The following AOAH variants were observed in gnomAD, a reference collection of about 807,000 sequenced individuals.
The protein encoded by AOAH is acyloxyacyl hydrolase, also known as acyloxyacyl hydrolase (neutrophil).
A neutral mutation model predicts 92.2 loss-of-function variants in AOAH; 64 were observed. That is an observed-to-expected ratio of 0.69 (90% CI 0.57 to 0.86). The LOEUF is 0.86. Ranked by LOEUF, AOAH falls within the 40% of genes least tolerant of loss-of-function variation. The pLI, the probability that AOAH is intolerant of heterozygous loss-of-function variation, is 0.00. For synonymous variants in AOAH, 263 were observed against 254.5 expected, an observed-to-expected ratio of 1.03 and a Z score of -0.32; for missense variants, 656 against 694.6, an observed-to-expected ratio of 0.94 and a Z score of 0.62.
At chr7:36,670,987 A>G (rs965798542) in intron 3 of AOAH, among the ~76,000 whole-genome samples, 1 of 152,060 alleles carries the variant, frequency 6.6e-6, no homozygotes, top group Non-Finnish European at 1.5e-5. Flanking sequence ...CTCCCAGCAC[A>G]CTGCTGTTGG....
intron 11 of AOAH, among the ~76,000 whole-genome samples, chr7:36,609,150 G>A (rs1791232515): frequency 6.6e-6 from 1 of 152,162 alleles, no homozygotes; most frequent in Non-Finnish European, 1.5e-5. Context: ...AAGTATACGG[G>A]ATGGGAAGGG....
chr7:36,569,633 G>T (rs1474907183), intron 13 of AOAH, among the ~76,000 whole-genome samples: 2 of 148,292 alleles, frequency 1.3e-5, no homozygotes, highest in Non-Finnish European at 3.0e-5. Flanking sequence ...TTTTTAGATG[G>T]AGTTTCCACT....
Position 36,616,448 on chromosome 7 carries a change from G to C in AOAH, c.778C>G (p.Leu260Val). The C allele has an allele frequency of 6.2e-7, 1 of 1,614,100 alleles. No homozygotes were observed. The highest frequency in any genetic ancestry group is 8.5e-7 in the Non-Finnish European group (1 of 1,179,970). The change falls in exon 11 of 21, where the codon CTG becomes GTG. Residue 260 changes from leucine to valine, a missense_variant. Transcript: ENST00000617537. ...EGSQPRGIILLGDSAGAHFHI... is the reference protein window; with the variant it reads ...EGSQPRGIILVGDSAGAHFHI... Reference sequence around the variant, plus strand: ...AAATGAGCCCCAGCTGAGTCTCCCAGCAAAATGATTCCCCTGGGCTGTGAA... The same window carrying C: ...AAATGAGCCCCAGCTGAGTCTCCCACCAAAATGATTCCCCTGGGCTGTGAA...
intron 1 of AOAH, among the ~76,000 whole-genome samples, chr7:36,702,303 C>T (rs1798078028): frequency 6.6e-6 from 1 of 152,118 alleles, no homozygotes; most frequent in Non-Finnish European, 1.5e-5. Context: ...GTGTTATTTT[C>T]CTTCTGTCTG....
intron 16 of AOAH, among the ~76,000 whole-genome samples, chr7:36,538,481 C>T (rs573864193): frequency 2.2e-4 from 33 of 152,042 alleles, no homozygotes; most frequent in Non-Finnish European, 4.3e-4. Context: ...ATGGAGGTGG[C>T]GTAACCAGAG....
intron 10 of AOAH, among the ~76,000 whole-genome samples, chr7:36,617,112 C>T (rs964528280): frequency 6.6e-6 from 1 of 152,206 alleles, no homozygotes; most frequent in Non-Finnish European, 1.5e-5. Flanking sequence ...ATTGATGCCT[C>T]CCAGAGGCAG....
intron 16 of AOAH, among the ~76,000 whole-genome samples, chr7:36,536,994 T>C (rs915620338): frequency 1.5e-4 from 20 of 132,346 alleles, no homozygotes; most frequent in African/African-American, 5.0e-4. Flanking sequence ...ACCTTCCTAA[T>C]GCAGCCCCCT....
chr7:36,553,183 T>C (rs1786413741), intron 13 of AOAH, among the ~76,000 whole-genome samples: 1 of 143,748 alleles, frequency 7.0e-6, no homozygotes, highest in Non-Finnish European at 1.5e-5. Flanking sequence ...TGTGTTCTCA[T>C]TGTTCAATTT....
intron 12 of AOAH, among the ~76,000 whole-genome samples, chr7:36,579,535 T>C (rs914393232): frequency 6.7e-6 from 1 of 148,300 alleles, no homozygotes; most frequent in Non-Finnish European, 1.5e-5. Flanking sequence ...TATGGGGGGG[T>C]TTTTAGTATT....
chr7:36,667,022 T>A (rs1795586482), intron 3 of AOAH, among the ~76,000 whole-genome samples: 1 of 152,224 alleles, frequency 6.6e-6, no homozygotes, highest in Admixed American at 6.5e-5. Context: ...TTGAGAAGAA[T>A]GTGTATTCTG....
Position 36,532,322 on chromosome 7 carries a change from G to A in AOAH, c.1329C>T (p.Thr443=), listed in dbSNP as rs1784743509. Residue 443 remains threonine (T), a synonymous_variant, in exon 17 of 21, where the codon ACC becomes ACT. Coordinates refer to ENST00000617537, the MANE Select transcript of AOAH (RefSeq NM_001637.4). ...HPLGQLNKDM[T]YAQLYSFLNC... ...TCAGGAAGGAGTACAACTGCGCATA[G>A]GTCATGTCTTTATTTAGCTGGCCTG... 3 of 1,613,938 alleles carry A rather than the reference G, an allele frequency of 1.9e-6. No individual in the cohort carries two copies. The highest frequency in any genetic ancestry group is 1.1e-5 in the South Asian group (1 of 91,070).
intron 13 of AOAH, among the ~76,000 whole-genome samples, chr7:36,563,437 A>C (rs916395497): frequency 2.4e-3 from 368 of 152,280 alleles, no homozygotes; most frequent in African/African-American, 8.5e-3. Context: ...GCATAATGCT[A>C]ACCTCACTGC....
In AOAH at chr7:36,513,048, G is replaced by A. The variant is rs7986; in HGVS notation, c.*204C>T. ...TATGAAAGGTTATTTCAGGAACAGCGGAAGGGTTACTGATCCCGGGAGCAC... is the reference window on the plus strand; with the variant it reads ...TATGAAAGGTTATTTCAGGAACAGCAGAAGGGTTACTGATCCCGGGAGCAC... On this transcript the variant is annotated 3_prime_UTR_variant, in exon 21 of 21. Coordinates refer to ENST00000617537, the MANE Select transcript of AOAH (RefSeq NM_001637.4). The A allele has an allele frequency of 0.35, 544,014 of 1,539,818 alleles. 100,833 individuals carry two copies. Among genetic ancestry groups the A allele is most frequent in the Non-Finnish European group, 0.38 (436,025 of 1,148,032 alleles).
chr7:36,542,073 A>C (rs1463155191), intron 15 of AOAH, among the ~76,000 whole-genome samples: 1 of 152,234 alleles, frequency 6.6e-6, no homozygotes, highest in Non-Finnish European at 1.5e-5. Flanking sequence ...TCATTAGTTA[A>C]GATGAGGTCA....
At chr7:36,669,232 C>G (rs1485189458) in intron 3 of AOAH, among the ~76,000 whole-genome samples, 1 of 152,056 alleles carries the variant, frequency 6.6e-6, no homozygotes, top group Non-Finnish European at 1.5e-5. Context: ...CAGAGATCCC[C>G]CAGCAGAACT....
At chr7:36,628,845 G>T (rs1792864440) in intron 6 of AOAH, among the ~76,000 whole-genome samples, 1 of 152,190 alleles carries the variant, frequency 6.6e-6, no homozygotes. Flanking sequence ...CGTGCTAGTG[G>T]GTCAGGCATT....
intron 13 of AOAH, among the ~76,000 whole-genome samples, chr7:36,567,024 G>A (rs1192148860): frequency 6.6e-6 from 1 of 152,062 alleles, no homozygotes; most frequent in Non-Finnish European, 1.5e-5. Context: ...GTTGGCCAGG[G>A]TGGTCTTGAA....
intron 6 of AOAH, among the ~76,000 whole-genome samples, chr7:36,624,968 C>G (rs745765138): frequency 6.6e-6 from 1 of 152,128 alleles, no homozygotes; most frequent in Non-Finnish European, 1.5e-5. Flanking sequence ...TAAACTGGTA[C>G]CTTATATTAA....
chr7:36,618,368 TTAGCAGTTTG>T, intron 9 of AOAH, 23 bp from the exon 10 acceptor site: 1 of 1,612,930 alleles, frequency 6.2e-7, no homozygotes, highest in Non-Finnish European at 8.5e-7. Context: ...AACGATGTGA[TTAGCAGTTTG>T]GTTTTAAATT....
Sources: allele counts gnomAD v4.1 joint callset (sites outside exome capture counted in the v4.1 genomes callset), GRCh38; gene constraint gnomAD v4.1.1; transcripts MANE v1.5; gene names NCBI Gene and HGNC (gene_info 2026-07-23, HGNC 2026-07-21).